The following ZSWIM5 variants were observed in gnomAD, a reference collection of about 807,000 sequenced individuals.
ZSWIM5 encodes the protein zinc finger SWIM-type containing 5.
ZSWIM5 carries 55 observed loss-of-function variants against 119.6 expected under a neutral mutation model. That is an observed-to-expected ratio of 0.46 (90% confidence interval 0.37 to 0.58). ZSWIM5 has a LOEUF of 0.58. ZSWIM5 is among the 20% of genes least tolerant of loss of function. The pLI is 0.00. For synonymous variants in ZSWIM5, 537 were observed against 606.9 expected, an observed-to-expected ratio of 0.88 and a Z score of 1.69; for missense variants, 1,193 against 1,512.8, an observed-to-expected ratio of 0.79 and a Z score of 3.51.
intron 11 of ZSWIM5, among the ~76,000 whole-genome samples, chr1:45,022,135 TTTTA>T (rs1314487812): frequency 1.6e-4 from 21 of 133,522 alleles, no homozygotes; most frequent in Admixed American, 4.2e-4. Context: ...TTTTATTTTA[TTTTA>T]TTTTTTTTTG....
At chr1:45,145,652 C>A (rs1323744589) in intron 1 of ZSWIM5, among the ~76,000 whole-genome samples, 2 of 151,820 alleles carry the variant, frequency 1.3e-5, no homozygotes, top group Non-Finnish European at 2.9e-5. Flanking sequence ...CAGTGGCTGC[C>A]AAGTGTTAAG....
intron 1 of ZSWIM5, among the ~76,000 whole-genome samples, chr1:45,184,395 C>A (rs1230188681): frequency 6.6e-6 from 1 of 152,114 alleles, no homozygotes; most frequent in Non-Finnish European, 1.5e-5. Context: ...GAAGTTCTGG[C>A]CAGGGCAATT....
At chr1:45,153,746 G>C (rs1645811464) in intron 1 of ZSWIM5, among the ~76,000 whole-genome samples, 1 of 151,940 alleles carries the variant, frequency 6.6e-6, no homozygotes, top group South Asian at 2.1e-4. Context: ...CCTAGCTAGA[G>C]CAATCAGACG....
chr1:45,019,771 C>T lies in ZSWIM5; in HGVS notation c.2695+295G>A, dbSNP rs527852963. 3.9e-5 allele frequency among the ~76,000 whole-genome samples: 6 copies of T among 152,280 alleles called. No homozygotes were observed. In the East Asian group the frequency reaches 9.7e-4, roughly 25 times the overall value. The stretch of plus-strand genomic sequence containing the variant: ...GGGGACCAAACCACTGGGCCCACTA[C>T]CTCCCAAGGGAGCACTTGAGTAGCA... On this transcript the variant is annotated intron_variant, in intron 13 of 13. Coordinates refer to ENST00000359600, the MANE Select transcript of ZSWIM5 (RefSeq NM_020883.2). The surrounding 1 kb of genome is among the most constrained non-coding windows in gnomAD (Gnocchi z 5.0).
chr1:45,070,399 C>T, intron 2 of ZSWIM5: 1 of 1,421,734 alleles, frequency 7.0e-7, no homozygotes, highest in Non-Finnish European at 9.9e-7. Flanking sequence ...CATTCGAGCA[C>T]AAAGAACGGG....
chr1:45,111,298 A>C (rs1330439631), intron 1 of ZSWIM5, among the ~76,000 whole-genome samples: 1 of 152,194 alleles, frequency 6.6e-6, no homozygotes, highest in Non-Finnish European at 1.5e-5. Context: ...CAACTAATCC[A>C]GACTGAAGAG....
intron 2 of ZSWIM5, among the ~76,000 whole-genome samples, chr1:45,069,339 T>C (rs1419354062): frequency 3.3e-5 from 5 of 150,744 alleles, no homozygotes; most frequent in Admixed American, 6.6e-5. Flanking sequence ...AGTAGGAGAA[T>C]GGTGTGAACC....
intron 1 of ZSWIM5, among the ~76,000 whole-genome samples, chr1:45,183,557 T>A (rs1420253799): frequency 2.0e-5 from 3 of 152,002 alleles, no homozygotes; most frequent in Non-Finnish European, 2.9e-5. Context: ...TAAAAAATGA[T>A]AAAGGGGATA....
At chr1:45,065,675 A>G (rs1314828257) in intron 2 of ZSWIM5, among the ~76,000 whole-genome samples, 3 of 152,134 alleles carry the variant, frequency 2.0e-5, no homozygotes, top group Admixed American at 6.6e-5. Context: ...CTGGCCTACA[A>G]TGGACCCCAG....
intron 4 of ZSWIM5, among the ~76,000 whole-genome samples, chr1:45,055,476 A>C (rs1645116617): frequency 6.6e-6 from 1 of 152,218 alleles, no homozygotes; most frequent in African/African-American, 2.4e-5. Flanking sequence ...GATGGCGACA[A>C]CAAGGGGAAA....
At chr1:45,053,080 G>A (rs927088599) in intron 4 of ZSWIM5, among the ~76,000 whole-genome samples, 1 of 144,938 alleles carries the variant, frequency 6.9e-6, no homozygotes, top group Non-Finnish European at 1.5e-5. Flanking sequence ...CTGAGATCCC[G>A]CCATTGCACT....
chr1:45,092,224 C>T (rs1433061516), intron 1 of ZSWIM5, among the ~76,000 whole-genome samples: 1 of 152,144 alleles, frequency 6.6e-6, no homozygotes, highest in Non-Finnish European at 1.5e-5. Context: ...TCTTTATATG[C>T]ATTAACACAC....
At chr1:45,091,178 A>C (rs1415690641) in intron 1 of ZSWIM5, among the ~76,000 whole-genome samples, 1 of 152,194 alleles carries the variant, frequency 6.6e-6, no homozygotes, top group African/African-American at 2.4e-5. Context: ...AACTTCCCCA[A>C]TGGCCAAGTT....
chr1:45,095,005 T>C (rs1645391711), intron 1 of ZSWIM5, among the ~76,000 whole-genome samples: 1 of 152,204 alleles, frequency 6.6e-6, no homozygotes, highest in Non-Finnish European at 1.5e-5. Context: ...CATAGATTAC[T>C]TTGAAAGCAA....
At position 45,127,249 on chromosome 1, in the gene ZSWIM5, T is replaced by TA. The variant is rs921198048; in HGVS notation, c.596-39013dup. On this transcript the variant is annotated intron_variant, in intron 1 of 13. Coordinates refer to ENST00000359600, the MANE Select transcript of ZSWIM5 (RefSeq NM_020883.2). ...AATGCGCTCCATCATATTAACAGGCTAAAAAAAAATCACCCAATAATCATA... is the reference window on the plus strand; with the variant it reads ...AATGCGCTCCATCATATTAACAGGCTAAAAAAAAAATCACCCAATAATCATA... Among the ~76,000 whole-genome samples, 62 of 151,340 alleles carry TA rather than the reference T, an allele frequency of 4.1e-4. 1 individual carries two copies. The highest frequency in any genetic ancestry group is 3.4e-3 in the Middle Eastern group (1 of 292).
chr1:45,202,102 G>T (rs940296542), intron 1 of ZSWIM5, among the ~76,000 whole-genome samples: 1 of 151,918 alleles, frequency 6.6e-6, no homozygotes, highest in Non-Finnish European at 1.5e-5. Context: ...CCGCTTAAAG[G>T]AATGCAGCTG....
chr1:45,037,329 TC>T (rs2148992267), intron 8 of ZSWIM5, among the ~76,000 whole-genome samples: 1 of 152,258 alleles, frequency 6.6e-6, no homozygotes, highest in Non-Finnish European at 1.5e-5. Context: ...CAGGCTGGTC[TC>T]CAACTCCTGA....
chr1:45,129,811 T>G (rs1321984126), intron 1 of ZSWIM5, among the ~76,000 whole-genome samples: 1 of 152,076 alleles, frequency 6.6e-6, no homozygotes. Flanking sequence ...TGTAAAGTTA[T>G]AAAAGTTTTA....
chr1:45,142,183 C>T (rs1474369257), intron 1 of ZSWIM5, among the ~76,000 whole-genome samples: 1 of 152,030 alleles, frequency 6.6e-6, no homozygotes, highest in African/African-American at 2.4e-5. Flanking sequence ...TGCACTCCAG[C>T]CTAGGTGACA....
Sources: allele counts gnomAD v4.1 joint callset (sites outside exome capture counted in the v4.1 genomes callset), GRCh38; gene constraint gnomAD v4.1.1; non-coding constraint Gnocchi (gnomAD v3.1); transcripts MANE v1.5; gene names NCBI Gene and HGNC (gene_info 2026-07-23, HGNC 2026-07-21).